PRKCH: variants seen among roughly 807,000 people sequenced by gnomAD.
PRKCH encodes the protein protein kinase C eta, also known as protein kinase C eta type.
PRKCH carries 28 observed loss-of-function variants against 82.5 expected under a neutral mutation model. That is an observed-to-expected ratio of 0.34 (90% CI 0.25 to 0.47). The LOEUF (loss-of-function observed/expected upper bound fraction) is 0.47. PRKCH is among the 20% of genes least tolerant of loss of function. The pLI, the probability that PRKCH is intolerant of heterozygous loss-of-function variation, is 1.00. For synonymous variants in PRKCH, 322 were observed against 327.4 expected (o/e 0.98, Z 0.18); for missense variants, 705 against 881.8 (o/e 0.80, Z 2.54).
intron 1 of PRKCH, among the ~76,000 whole-genome samples, chr14:61,381,845 T>C (rs1333203288): frequency 2.0e-5 from 3 of 152,170 alleles, no homozygotes; most frequent in African/African-American, 7.2e-5. Context: ...GCAGGCATGC[T>C]TGAGGCTGAG....
chr14:61,420,532 AC>A (rs1882782873), intron 2 of PRKCH, among the ~76,000 whole-genome samples: 2 of 152,234 alleles, frequency 1.3e-5, no homozygotes, highest in South Asian at 2.1e-4. Flanking sequence ...ACTCATCCTA[AC>A]TTCATTCCAC....
chr14:61,519,571 T>G (rs1043549114), intron 10 of PRKCH, among the ~76,000 whole-genome samples: 2 of 152,170 alleles, frequency 1.3e-5, no homozygotes, highest in African/African-American at 4.8e-5. Flanking sequence ...CTGACTTTCT[T>G]CATTATAAAA....
chr14:61,399,503 T>A (rs190600552), intron 2 of PRKCH, among the ~76,000 whole-genome samples: 218 of 152,340 alleles, frequency 1.4e-3, no homozygotes, highest in African/African-American at 4.2e-3. Flanking sequence ...AAGACTTTTT[T>A]AAATTGCTAA....
chr14:61,265,950 C>G (rs140456689), intron 1 of PRKCH, among the ~76,000 whole-genome samples: 4 of 152,104 alleles, frequency 2.6e-5, no homozygotes, highest in Non-Finnish European at 5.9e-5. Flanking sequence ...AAAAAATTAG[C>G]CAAGCGTGGT....
chr14:61,518,797 G>A (rs2042862660), intron 10 of PRKCH, among the ~76,000 whole-genome samples: 1 of 152,110 alleles, frequency 6.6e-6, no homozygotes, highest in African/African-American at 2.4e-5. Flanking sequence ...TCTGTGCCCT[G>A]TTTGTTTGTT....
chr14:61,405,438 C>T (rs1340771267), intron 2 of PRKCH, among the ~76,000 whole-genome samples: 1 of 150,806 alleles, frequency 6.6e-6, no homozygotes, highest in Non-Finnish European at 1.5e-5. Context: ...AGTGCAGTGG[C>T]GCAATCTCAG....
intron 10 of PRKCH, among the ~76,000 whole-genome samples, chr14:61,488,097 T>C (rs1178205586): frequency 1.3e-5 from 2 of 150,330 alleles, no homozygotes; most frequent in Non-Finnish European, 3.0e-5. Context: ...GAGCCTGCAG[T>C]GAGCCGAGAT....
At chr14:61,545,373 A>C (rs907779966) in intron 12 of PRKCH, 4 of 152,102 alleles carry the variant, frequency 2.6e-5, no homozygotes, top group African/African-American at 9.7e-5. Context: ...TTTTCATTTC[A>C]TCCGGCTGTG....
intron 1 of PRKCH, among the ~76,000 whole-genome samples, chr14:61,339,324 C>CTT (rs763833426): frequency 4.9e-5 from 7 of 143,592 alleles, no homozygotes; most frequent in Non-Finnish European, 7.7e-5. Flanking sequence ...TTAATTGTAA[C>CTT]TTTTTTTTTT....
intron 1 of PRKCH, among the ~76,000 whole-genome samples, chr14:61,332,038 G>A (rs1298389633): frequency 2.0e-5 from 3 of 152,220 alleles, no homozygotes; most frequent in African/African-American, 7.2e-5. Context: ...CTATGGGATG[G>A]TTGTAAGTTA....
At chr14:61,521,319 G>T (rs2042903752) in intron 10 of PRKCH, among the ~76,000 whole-genome samples, 1 of 151,966 alleles carries the variant, frequency 6.6e-6, no homozygotes. Flanking sequence ...AAATTTGGCA[G>T]CTTTCATAAG....
At chr14:61,403,749 G>A (rs1256392897) in intron 2 of PRKCH, among the ~76,000 whole-genome samples, 1 of 152,110 alleles carries the variant, frequency 6.6e-6, no homozygotes, top group Admixed American at 6.5e-5. Context: ...CATTTCTATG[G>A]CACTCGCTTA....
At chr14:61,376,936 A>G (rs986311113) in intron 1 of PRKCH, among the ~76,000 whole-genome samples, 1 of 152,088 alleles carries the variant, frequency 6.6e-6, no homozygotes, top group Non-Finnish European at 1.5e-5. Flanking sequence ...CTCTTTCCCC[A>G]TGTTGGCAGG....
At chr14:61,407,209 T>C (rs912457518) in intron 2 of PRKCH, among the ~76,000 whole-genome samples, 6 of 152,180 alleles carry the variant, frequency 3.9e-5, no homozygotes, top group African/African-American at 1.4e-4. Context: ...ATCTAAATCT[T>C]AGGATTATAG....
At chr14:61,405,151 C>G (rs1050431191) in intron 2 of PRKCH, among the ~76,000 whole-genome samples, 2 of 152,158 alleles carry the variant, frequency 1.3e-5, no homozygotes, top group African/African-American at 2.4e-5. Flanking sequence ...TGTGAATTCC[C>G]TCATGGTTTC....
intron 1 of PRKCH, among the ~76,000 whole-genome samples, chr14:61,330,204 C>T (rs920253567): frequency 1.3e-5 from 2 of 152,190 alleles, no homozygotes; most frequent in Non-Finnish European, 2.9e-5. Flanking sequence ...TGGGGAACAT[C>T]TTCCTGGAGG....
At chr14:61,193,645 C>A (rs189971559) in intron 1 of PRKCH, among the ~76,000 whole-genome samples, 2 of 152,290 alleles carry the variant, frequency 1.3e-5, no homozygotes, top group African/African-American at 4.8e-5. Context: ...ACTAATGAGA[C>A]CATATTTCTT....
chr14:61,335,295 C>G (rs1218466629), intron 1 of PRKCH, among the ~76,000 whole-genome samples: 2 of 151,890 alleles, frequency 1.3e-5, no homozygotes, highest in African/African-American at 4.8e-5. Flanking sequence ...AACATGTTTT[C>G]TAAAGAGAGG....
At chr14:61,385,460 A>G (rs1338184681) in intron 1 of PRKCH, among the ~76,000 whole-genome samples, 1 of 152,218 alleles carries the variant, frequency 6.6e-6, no homozygotes, top group Non-Finnish European at 1.5e-5. Flanking sequence ...TATGGCAGCT[A>G]GAAAAGATGC....
Sources: allele counts gnomAD v4.1 joint callset (sites outside exome capture counted in the v4.1 genomes callset), GRCh38; gene constraint gnomAD v4.1.1; transcripts MANE v1.5; gene names NCBI Gene and HGNC (gene_info 2026-07-23, HGNC 2026-07-21).